The following CNTNAP2 variants were observed in gnomAD, a reference collection of about 807,000 sequenced individuals.
The protein encoded by CNTNAP2 is contactin associated protein 2, also known as contactin-associated protein-like 2.
A neutral mutation model predicts 155.2 loss-of-function variants in CNTNAP2; 98 were observed. The observed-to-expected ratio is 0.63, with a 90% CI of 0.54 to 0.75. The LOEUF (loss-of-function observed/expected upper bound fraction) is 0.75, where lower values mean the gene tolerates loss of function less well. Ranked by LOEUF, CNTNAP2 falls within the 30% of genes least tolerant of loss-of-function variation. The pLI is 0.00. For missense variants in CNTNAP2, 1,727 were observed against 1,688.1 expected (o/e 1.02, Z -0.40); for synonymous variants, 651 against 631.2 (o/e 1.03, Z -0.47).
chr7:148,022,326 G>A (rs758073662), intron 15 of CNTNAP2, among the ~76,000 whole-genome samples: 2 of 151,954 alleles, frequency 1.3e-5, no homozygotes, highest in African/African-American at 2.4e-5. Context: ...AAAATTAGCC[G>A]AGCGTGGCGG....
intron 15 of CNTNAP2, among the ~76,000 whole-genome samples, chr7:147,994,821 T>A (rs1455551991): frequency 1.3e-5 from 2 of 152,148 alleles, no homozygotes; most frequent in Admixed American, 1.3e-4. Context: ...GGCTTAAAAC[T>A]TCTGGACACC....
chr7:146,927,201 A>G (rs967167866), intron 3 of CNTNAP2, among the ~76,000 whole-genome samples: 1 of 152,178 alleles, frequency 6.6e-6, no homozygotes, highest in African/African-American at 2.4e-5. Flanking sequence ...TGTGTATTTT[A>G]AGTTCCAAGA....
chr7:147,060,269 C>T (rs1799638525), intron 4 of CNTNAP2, among the ~76,000 whole-genome samples: 1 of 151,744 alleles, frequency 6.6e-6, no homozygotes, highest in Non-Finnish European at 1.5e-5. Context: ...AAAGTCATGA[C>T]AAAAAGGGAA....
chr7:146,190,994 ACAGTTG>A (rs1798694544), intron 1 of CNTNAP2, among the ~76,000 whole-genome samples: 1 of 152,186 alleles, frequency 6.6e-6, no homozygotes, highest in African/African-American at 2.4e-5. Context: ...TCTATCACTC[ACAGTTG>A]CAGAGGTTTG....
intron 1 of CNTNAP2, among the ~76,000 whole-genome samples, chr7:146,298,121 A>G (rs1016293621): frequency 6.6e-6 from 1 of 152,216 alleles, no homozygotes; most frequent in Non-Finnish European, 1.5e-5. Context: ...AGGAGGTAGA[A>G]TCAAAGAATA....
rs1233229396 is a variant in CNTNAP2, at chr7:146,232,151, A to ATTT, written c.97+115178_97+115179insTTT. Among the ~76,000 whole-genome samples the ATTT allele has an allele frequency of 4.8e-3, 727 of 152,192 alleles. 5 individuals carry two copies. The highest frequency in any genetic ancestry group is 0.017 in the African/African-American group (687 of 41,526). Reference sequence around the variant, plus strand: ...AGGATTTAAATCTGAGTTGATTAACAAGATGATATCCTTCATGGAAAAACT... The same window carrying ATTT: ...AGGATTTAAATCTGAGTTGATTAACATTTAGATGATATCCTTCATGGAAAAACT... On this transcript the variant is annotated intron_variant, in intron 1 of 23. Coordinates refer to ENST00000361727, the MANE Select transcript of CNTNAP2 (RefSeq NM_014141.6).
intron 1 of CNTNAP2, among the ~76,000 whole-genome samples, chr7:146,160,220 A>T (rs192150432): frequency 6.6e-6 from 1 of 152,316 alleles, no homozygotes; most frequent in African/African-American, 2.4e-5. Flanking sequence ...TATAGTACTA[A>T]GTGCCCACAA....
At chr7:146,623,667 G>C (rs1223884829) in intron 1 of CNTNAP2, among the ~76,000 whole-genome samples, 2 of 152,098 alleles carry the variant, frequency 1.3e-5, no homozygotes, top group East Asian at 3.8e-4. Context: ...CATTTTGGTT[G>C]TTTCCAGTTT....
rs375607298 is a variant in CNTNAP2, at chr7:148,296,078, A to T, written c.3475+28952A>T. Among the ~76,000 whole-genome samples the T allele has an allele frequency of 3.3e-5, 5 of 152,340 alleles. 1 individual carries two copies. In the East Asian group the frequency reaches 5.8e-4, roughly 18 times the overall value. Reference sequence around the variant, plus strand: ...GCCAGACTTTATTAATCCTCAAAGAACAGAAATGTAGAAAACAGCATTTAC... The same window carrying T: ...GCCAGACTTTATTAATCCTCAAAGATCAGAAATGTAGAAAACAGCATTTAC... On this transcript the variant is annotated intron_variant, in intron 21 of 23. Coordinates refer to ENST00000361727, the MANE Select transcript of CNTNAP2 (RefSeq NM_014141.6).
At chr7:147,596,201 C>A (rs1301844455) in intron 12 of CNTNAP2, among the ~76,000 whole-genome samples, 1 of 152,160 alleles carries the variant, frequency 6.6e-6, no homozygotes, top group African/African-American at 2.4e-5. Context: ...AAAAAACTGG[C>A]AGTCATCATA....
intron 3 of CNTNAP2, among the ~76,000 whole-genome samples, chr7:147,030,673 G>T (rs1024583635): frequency 6.6e-6 from 1 of 151,890 alleles, no homozygotes; most frequent in African/African-American, 2.4e-5. Flanking sequence ...TGACTTCTTG[G>T]GTCAATTACT....
chr7:146,679,347 C>CTTTTTTTTTTT (rs34541415), intron 1 of CNTNAP2, among the ~76,000 whole-genome samples: 6 of 106,958 alleles, frequency 5.6e-5, no homozygotes, highest in African/African-American at 1.9e-4. Context: ...GATCTTGTTT[C>CTTTTTTTTTTT]TTTTTTTTTT....
chr7:146,217,093 T>C (rs1349170371), intron 1 of CNTNAP2, among the ~76,000 whole-genome samples: 1 of 152,196 alleles, frequency 6.6e-6, no homozygotes, highest in Admixed American at 6.5e-5. Flanking sequence ...CCCTGATCTT[T>C]TATTTGAAAG....
intron 1 of CNTNAP2, among the ~76,000 whole-genome samples, chr7:146,262,361 A>C (rs1799930970): frequency 6.6e-6 from 1 of 152,116 alleles, no homozygotes; most frequent in African/African-American, 2.4e-5. Context: ...GTCTTTACTT[A>C]TCTGACATTT....
At chr7:148,118,087 T>C (rs1226338191) in intron 15 of CNTNAP2, 31 bp from the exon 16 acceptor site, 1 of 1,612,050 alleles carries the variant, frequency 6.2e-7, no homozygotes, top group Non-Finnish European at 8.5e-7. Context: ...AGGGTGTGAG[T>C]TAACCTGATT....
intron 14 of CNTNAP2, among the ~76,000 whole-genome samples, chr7:147,913,106 A>G (rs780611831): frequency 6.6e-6 from 1 of 152,246 alleles, no homozygotes. Context: ...TCCTCCTTCT[A>G]TGATTTCATG....
intron 11 of CNTNAP2, among the ~76,000 whole-genome samples, chr7:147,527,127 ATTC>A (rs200812310): frequency 0.022 from 3,111 of 140,448 alleles, 127 homozygotes; most frequent in African/African-American, 0.079. Flanking sequence ...GGTTCACACC[ATTC>A]TTCTGCCTCA....
rs1192470528 is a variant in CNTNAP2, at chr7:147,899,639, C to T, written c.2099-3926C>T. Among the ~76,000 whole-genome samples the T allele has an allele frequency of 5.9e-5, 9 of 152,202 alleles. No homozygotes were observed. The East Asian group carries it at 1.4e-3, about 23-fold the overall frequency. The stretch of plus-strand genomic sequence containing the variant: ...TTGGCTCCCACCTGTAATCTTCGCA[C>T]TTTGAGAGGCCAAGGCGGGTGGATC... On this transcript the variant is annotated intron_variant, in intron 13 of 23. Transcript: ENST00000361727.
Position 147,442,105 on chromosome 7 carries a change from C to T in CNTNAP2, c.1671-43830C>T, listed in dbSNP as rs1163986287. Reference sequence around the variant, plus strand: ...CTTCACTTCAGGGTTGCAAGTTCCCCTAGGCCCTGGGTGGGTTCAGATGTG... The same window carrying T: ...CTTCACTTCAGGGTTGCAAGTTCCCTTAGGCCCTGGGTGGGTTCAGATGTG... On this transcript the variant is annotated intron_variant, in intron 10 of 23. Transcript: ENST00000361727. 2.0e-5 allele frequency among the ~76,000 whole-genome samples: 3 copies of T among 152,146 alleles called. No individual in the cohort carries two copies. The East Asian group carries it at 5.8e-4, about 29-fold the overall frequency.
Sources: gnomAD v4.1 joint callset for allele counts (sites outside exome capture counted in the v4.1 genomes callset) on GRCh38, gnomAD v4.1.1 for gene constraint, MANE v1.5 for transcripts, NCBI Gene and HGNC (gene_info 2026-07-23, HGNC 2026-07-21) for gene names.